The following ZNF704 variants were observed in gnomAD, a reference collection of about 807,000 sequenced individuals.
The protein encoded by ZNF704 is zinc finger protein 704.
ZNF704 carries 10 observed loss-of-function variants against 44.7 expected under a neutral mutation model. The ratio of observed to expected loss-of-function variants is 0.22; its 90% CI spans 0.14 to 0.38. The LOEUF is 0.38. Among genes scored for constraint, ZNF704 ranks in the 10% least tolerant of loss-of-function variants. The pLI is 1.00. For synonymous variants in ZNF704, 211 were observed against 207.6 expected (o/e 1.02, Z -0.14); for missense variants, 390 against 545.5 (o/e 0.71, Z 2.84).
intron 2 of ZNF704, among the ~76,000 whole-genome samples, chr8:80,698,131 CAGG>C (rs1443377985): frequency 2.0e-5 from 3 of 152,212 alleles, no homozygotes; most frequent in Non-Finnish European, 4.4e-5. Context: ...CTGTGCTAGA[CAGG>C]AGAATTAACA....
chr8:80,655,771 C>A (rs1338184140), intron 7 of ZNF704, among the ~76,000 whole-genome samples: 3 of 152,174 alleles, frequency 2.0e-5, no homozygotes, highest in Non-Finnish European at 4.4e-5. Flanking sequence ...AAAAAGGCCT[C>A]TGGCTTGGTT....
intron 2 of ZNF704, among the ~76,000 whole-genome samples, chr8:80,746,025 G>A (rs1806837977): frequency 6.6e-6 from 1 of 152,188 alleles, no homozygotes; most frequent in African/African-American, 2.4e-5. Flanking sequence ...TTGTTGTGAA[G>A]ATTGTAAAAT....
chr8:80,752,240 C>A (rs1261677527), intron 2 of ZNF704, among the ~76,000 whole-genome samples: 1 of 151,960 alleles, frequency 6.6e-6, no homozygotes, highest in Non-Finnish European at 1.5e-5. Context: ...TAAGCTTTTA[C>A]CATAAAAGCC....
At chr8:80,664,665 T>A (rs1160288220) in intron 6 of ZNF704, 150 bp downstream of exon 6, 14 of 912,916 alleles carry the variant, frequency 1.5e-5, no homozygotes, top group Admixed American at 4.9e-5. Context: ...CTGTGTGAGA[T>A]CTTAGGCTTT....
At chr8:80,778,028 A>G (rs1017509849) in intron 2 of ZNF704, among the ~76,000 whole-genome samples, 2 of 152,196 alleles carry the variant, frequency 1.3e-5, no homozygotes. Context: ...ATACACACTC[A>G]ATATTGAAAT....
rs1817702252 is a variant in ZNF704, at chr8:80,639,016, A to G, written c.*2350T>C. On this transcript the variant is annotated 3_prime_UTR_variant, in exon 9 of 9. Transcript: ENST00000327835. ...GCTCAGCACTACTTATGGGGTATAT[A>G]TCTGGGGGTGGAAGCCACGGGGCTT... is the stretch of plus-strand genomic sequence containing the variant. The G allele has an allele frequency of 6.5e-6, 1 of 152,704 alleles. No individual in the cohort carries two copies. Among genetic ancestry groups the G allele is most frequent in the Non-Finnish European group, 1.5e-5 (1 of 68,470 alleles). The allele number at this position is 152,704 out of a possible 1,614,324, so 9.5% of individuals were successfully genotyped here. A position where few individuals can be genotyped will look rare whatever the true frequency, so the allele number is the denominator to read the frequency against.
chr8:80,804,031 C>T (rs1807945220), intron 2 of ZNF704, among the ~76,000 whole-genome samples: 1 of 151,988 alleles, frequency 6.6e-6, no homozygotes, highest in African/African-American at 2.4e-5. Flanking sequence ...CATGAAAAGA[C>T]ACCTCTCAAA....
chr8:80,730,290 C>A (rs989362932), intron 2 of ZNF704, among the ~76,000 whole-genome samples: 10 of 152,020 alleles, frequency 6.6e-5, no homozygotes, highest in African/African-American at 2.2e-4. Flanking sequence ...TAAATCCCAG[C>A]ACTTTGGGAG....
At chr8:80,741,254 C>T (rs1444351410) in intron 2 of ZNF704, among the ~76,000 whole-genome samples, 12 of 152,178 alleles carry the variant, frequency 7.9e-5, no homozygotes, top group Admixed American at 6.5e-4. Context: ...GAAGCAGAAG[C>T]GGCTTTCCAG....
At chr8:80,746,385 T>C (rs1436896075) in intron 2 of ZNF704, among the ~76,000 whole-genome samples, 1 of 152,224 alleles carries the variant, frequency 6.6e-6, no homozygotes, top group African/African-American at 2.4e-5. Context: ...CCTGGTCTAT[T>C]ACCCATTGTA....
intron 2 of ZNF704, among the ~76,000 whole-genome samples, chr8:80,769,725 A>G (rs1432209366): frequency 1.3e-5 from 2 of 152,098 alleles, no homozygotes; most frequent in African/African-American, 4.8e-5. Flanking sequence ...AAAGTTCCAA[A>G]CTTTCCCACA....
chr8:80,745,056 G>C (rs1806822384), intron 2 of ZNF704, among the ~76,000 whole-genome samples: 1 of 152,166 alleles, frequency 6.6e-6, no homozygotes, highest in African/African-American at 2.4e-5. Context: ...AAATGTTTAA[G>C]TTTAGAATAA....
At chr8:80,782,397 A>C (rs1426714605) in intron 2 of ZNF704, among the ~76,000 whole-genome samples, 1 of 152,226 alleles carries the variant, frequency 6.6e-6, no homozygotes, top group African/African-American at 2.4e-5. Context: ...GCAGCAGTTC[A>C]GAGGATAAAA....
At chr8:80,837,435 T>C (rs1380178476) in intron 1 of ZNF704, among the ~76,000 whole-genome samples, 1 of 152,162 alleles carries the variant, frequency 6.6e-6, no homozygotes, top group Non-Finnish European at 1.5e-5. Flanking sequence ...AGGATAGACT[T>C]GTAGAGAGAT....
intron 2 of ZNF704, among the ~76,000 whole-genome samples, chr8:80,751,220 G>C (rs1013984891): frequency 1.3e-5 from 2 of 152,078 alleles, no homozygotes; most frequent in Admixed American, 1.3e-4. Flanking sequence ...CTCACTCTTA[G>C]GGCGCCCTTC....
chr8:80,832,753 G>A (rs1326981273), intron 1 of ZNF704, among the ~76,000 whole-genome samples: 1 of 151,756 alleles, frequency 6.6e-6, no homozygotes, highest in African/African-American at 2.4e-5. Context: ...AGGCTAATAA[G>A]AGGACCACTT....
At chr8:80,667,726 TGTGGCACA>T (rs1413306829) in intron 5 of ZNF704, among the ~76,000 whole-genome samples, 2 of 152,228 alleles carry the variant, frequency 1.3e-5, no homozygotes, top group Admixed American at 6.5e-5. Flanking sequence ...CTGACGTTGT[TGTGGCACA>T]GTGATTAAGA....
intron 2 of ZNF704, among the ~76,000 whole-genome samples, chr8:80,801,608 T>C (rs763743519): frequency 2.0e-5 from 3 of 152,182 alleles, no homozygotes; most frequent in Non-Finnish European, 2.9e-5. Context: ...AGAAGTTCTT[T>C]GAAACTAATG....
chr8:80,670,422 G>T, intron 5 of ZNF704, 81 bp downstream of exon 5: 1 of 988,024 alleles, frequency 1.0e-6, no homozygotes. Flanking sequence ...TTAAGGCACA[G>T]TGTGGTGTGC....
Sources: gnomAD v4.1 joint callset for allele counts (sites outside exome capture counted in the v4.1 genomes callset) on GRCh38, gnomAD v4.1.1 for gene constraint, MANE v1.5 for transcripts, NCBI Gene and HGNC (gene_info 2026-07-23, HGNC 2026-07-21) for gene names.